MNAT1: variants seen among roughly 807,000 people sequenced by gnomAD.
MNAT1 encodes CDK-activating kinase assembly factor MAT1.
Under a neutral mutation model 42.0 loss-of-function variants are expected in MNAT1, and 43 were observed. The observed-to-expected ratio is 1.02, with a 90% CI of 0.80 to 1.32. The LOEUF is 1.32. MNAT1 is among the 40% of genes most tolerant of loss of function. The pLI is 0.00. For missense variants in MNAT1, 306 were observed against 350.4 expected (o/e 0.87, Z 1.01); for synonymous variants, 118 against 120.0 (o/e 0.98, Z 0.11).
At chr14:60,855,935 A>T (rs2093250) in intron 6 of MNAT1, among the ~76,000 whole-genome samples, 99,876 of 152,052 alleles carry the variant, frequency 0.66, 33,156 homozygotes, top group Admixed American at 0.72. Flanking sequence ...CCCATCTCTC[A>T]TCTCTCTCCT....
chr14:60,814,480 T>TTGTG (rs761134267), intron 5 of MNAT1, among the ~76,000 whole-genome samples: 1 of 150,762 alleles, frequency 6.6e-6, no homozygotes, highest in Non-Finnish European at 1.5e-5. Flanking sequence ...GCTTTTGTGT[T>TTGTG]TGTGTGTGTG....
chr14:60,813,688 G>A (rs1363904419), intron 5 of MNAT1, among the ~76,000 whole-genome samples: 12 of 152,048 alleles, frequency 7.9e-5, no homozygotes, highest in Middle Eastern at 3.4e-3. Context: ...CTAGAATTTG[G>A]CATAATATAA....
chr14:60,741,007 C>T (rs1896444001), intron 1 of MNAT1, among the ~76,000 whole-genome samples: 1 of 152,108 alleles, frequency 6.6e-6, no homozygotes, highest in Admixed American at 6.5e-5. Context: ...TAAGTTTTGT[C>T]ATACTTTATG....
At chr14:60,766,664 C>T (rs754530997) in intron 1 of MNAT1, among the ~76,000 whole-genome samples, 11 of 150,002 alleles carry the variant, frequency 7.3e-5, no homozygotes, top group African/African-American at 2.2e-4. Context: ...GTGAGCTGAT[C>T]GCGCCACTGC....
chr14:60,856,861 A>C (rs550547904), intron 6 of MNAT1, among the ~76,000 whole-genome samples: 12 of 152,028 alleles, frequency 7.9e-5, no homozygotes, highest in African/African-American at 2.9e-4. Flanking sequence ...TTTGTATTTT[A>C]GTAGAGATGG....
intron 7 of MNAT1, among the ~76,000 whole-genome samples, chr14:60,922,030 A>C (rs1296564521): frequency 1.3e-5 from 2 of 152,190 alleles, no homozygotes; most frequent in Non-Finnish European, 2.9e-5. Flanking sequence ...ATAATTTTAC[A>C]GTAGAAACAC....
chr14:60,876,737 T>C (rs1257199025), intron 6 of MNAT1, among the ~76,000 whole-genome samples: 1 of 152,094 alleles, frequency 6.6e-6, no homozygotes, highest in Non-Finnish European at 1.5e-5. Flanking sequence ...ATCCATGTTG[T>C]CATATGTCAA....
At chr14:60,870,531 T>C (rs2034305352) in intron 6 of MNAT1, among the ~76,000 whole-genome samples, 1 of 152,212 alleles carries the variant, frequency 6.6e-6, no homozygotes, top group South Asian at 2.1e-4. Flanking sequence ...GACTCAGTGC[T>C]AAGACCTCAC....
At chr14:60,786,237 A>G (rs1195772616) in intron 1 of MNAT1, among the ~76,000 whole-genome samples, 1 of 152,118 alleles carries the variant, frequency 6.6e-6, no homozygotes, top group African/African-American at 2.4e-5. Context: ...AATCAAGAGA[A>G]AGAGGTAGAA....
intron 1 of MNAT1, among the ~76,000 whole-genome samples, chr14:60,749,667 C>A (rs1341313448): frequency 2.0e-5 from 3 of 152,074 alleles, no homozygotes; most frequent in Admixed American, 2.0e-4. Context: ...AGTAAATTTA[C>A]TCTATAAAGA....
Position 60,913,285 on chromosome 14 carries a change from G to C in MNAT1, c.809+33450G>C, listed in dbSNP as rs1052962052. Among the ~76,000 whole-genome samples, 8 of 152,076 alleles carry C rather than the reference G, an allele frequency of 5.3e-5. No individual in the cohort carries two copies. In the East Asian group the frequency reaches 1.5e-3, roughly 29 times the overall value. ...CAATTGGTTTGAACTTCCTCCTTTA[G>C]CTCGGAGTAGTTTGATCTTCTGAAG... On this transcript the variant is annotated intron_variant, in intron 7 of 7. Coordinates refer to ENST00000261245, the MANE Select transcript of MNAT1 (RefSeq NM_002431.4).
At chr14:60,800,622 T>A (rs10132758) in intron 3 of MNAT1, among the ~76,000 whole-genome samples, 144,105 of 152,266 alleles carry the variant, frequency 0.95, 68,467 homozygotes, top group Non-Finnish European at 0.99. Flanking sequence ...AACTCTAAAA[T>A]CTAGAATTTG....
chr14:60,756,636 G>A (rs1354369163), intron 1 of MNAT1, among the ~76,000 whole-genome samples: 2 of 152,140 alleles, frequency 1.3e-5, no homozygotes, highest in East Asian at 3.9e-4. Context: ...AATAAAGCAA[G>A]TATAAAGTTT....
At chr14:60,849,212 C>T (rs1398536329) in intron 6 of MNAT1, among the ~76,000 whole-genome samples, 1 of 152,162 alleles carries the variant, frequency 6.6e-6, no homozygotes, top group Non-Finnish European at 1.5e-5. Context: ...GGAGAAACAG[C>T]AAATCACTCA....
At chr14:60,794,029 G>A (rs149966244) in intron 1 of MNAT1, among the ~76,000 whole-genome samples, 524 of 152,114 alleles carry the variant, frequency 3.4e-3, no homozygotes, top group East Asian at 0.019. Context: ...ACAATATAAC[G>A]TTTAGAAATA....
chr14:60,815,822 A>G (rs949110759), intron 5 of MNAT1, among the ~76,000 whole-genome samples: 1 of 152,202 alleles, frequency 6.6e-6, no homozygotes, highest in Admixed American at 6.5e-5. Flanking sequence ...GGTTTAGAAT[A>G]CCACTGCAGT....
At chr14:60,801,787 A>G (rs1454524757) in intron 3 of MNAT1, among the ~76,000 whole-genome samples, 1 of 152,180 alleles carries the variant, frequency 6.6e-6, no homozygotes, top group Non-Finnish European at 1.5e-5. Flanking sequence ...AATACTAAAA[A>G]CAGAACTACC....
At chr14:60,954,049 T>G (rs984705589) in intron 7 of MNAT1, among the ~76,000 whole-genome samples, 1 of 152,208 alleles carries the variant, frequency 6.6e-6, no homozygotes, top group African/African-American at 2.4e-5. Flanking sequence ...TTCTCTGTTC[T>G]GTTCCATTGG....
intron 1 of MNAT1, among the ~76,000 whole-genome samples, chr14:60,779,568 A>C (rs537048922): frequency 6.6e-6 from 1 of 152,148 alleles, no homozygotes; most frequent in African/African-American, 2.4e-5. Context: ...CAGGAGGATC[A>C]TGAGGTCAGG....
Sources: allele counts gnomAD v4.1 joint callset (sites outside exome capture counted in the v4.1 genomes callset), GRCh38; gene constraint gnomAD v4.1.1; transcripts MANE v1.5; gene names NCBI Gene and HGNC (gene_info 2026-07-23, HGNC 2026-07-21).